TANC2: variants seen among roughly 807,000 people sequenced by gnomAD.
TANC2 encodes protein TANC2.
Under a neutral mutation model 210.5 loss-of-function variants are expected in TANC2, and 26 were observed. The ratio of observed to expected loss-of-function variants is 0.12; its 90% CI spans 0.09 to 0.17. The LOEUF is 0.17. TANC2 is among the 10% of genes least tolerant of loss of function. The pLI is 1.00. For missense variants in TANC2, 2,129 were observed against 2,608.9 expected (o/e 0.82, Z 4.01); for synonymous variants, 931 against 967.1 (o/e 0.96, Z 0.69).
In TANC2 at chr17:63,200,908, T is replaced by TGTTACTA; in HGVS notation, c.723_729dup (p.Pro244TyrfsTer2). The stretch of plus-strand genomic sequence containing the variant: ...CTGCCAAGGACTGCAGCTATGGGGC[T>TGTTACTA]GTTACTAGTCCAACCTCTACCCTTG... On this transcript the variant is annotated frameshift_variant, in exon 7 of 28. Transcript: ENST00000689528. LOFTEE classifies it high-confidence loss of function. 6.2e-7 allele frequency: 1 copy of TGTTACTA among 1,613,834 alleles called. No individual in the cohort carries two copies. The highest frequency in any genetic ancestry group is 8.5e-7 in the Non-Finnish European group (1 of 1,179,802).
At chr17:63,340,054 C>A in intron 11 of TANC2, 47 bp from the exon 12 acceptor site, 1 of 1,369,994 alleles carries the variant, frequency 7.3e-7, no homozygotes, top group Non-Finnish European at 1.0e-6. Context: ...ATAGCTATTG[C>A]TCTTACTACT....
chr17:63,387,220 G>GA (rs895340092), intron 15 of TANC2, among the ~76,000 whole-genome samples: 11 of 150,726 alleles, frequency 7.3e-5, no homozygotes, highest in East Asian at 1.9e-4. Flanking sequence ...CCCACAGGGA[G>GA]AAAAAAAAAG....
chr17:62,989,411 A>C (rs1381208278), intron 1 of TANC2, among the ~76,000 whole-genome samples: 1 of 152,216 alleles, frequency 6.6e-6, no homozygotes, highest in Admixed American at 6.5e-5. Flanking sequence ...CGTGTTTCTA[A>C]AATAAGTTTT....
At chr17:63,209,713 G>T (rs913910431) in intron 7 of TANC2, among the ~76,000 whole-genome samples, 2 of 152,098 alleles carry the variant, frequency 1.3e-5, no homozygotes, top group Non-Finnish European at 2.9e-5. Flanking sequence ...GATTACAGGC[G>T]TGAGCCACTG....
chr17:63,151,314 G>C (rs958779602), exon 5 of TANC2: 1 of 985,584 alleles, frequency 1.0e-6, no homozygotes, highest in African/African-American at 1.7e-5. Context: ...ACGAATTCCA[G>C]AATCCGAGCT....
rs1374993212 is a variant in TANC2, at chr17:63,418,763, C to T, written c.4268+356C>T. Reference sequence around the variant, plus strand: ...AATCACTTAAGCAGAGCACCCCACCCCCGCTTTAGAGGGAAAGTAGGATGG... The same window carrying T: ...AATCACTTAAGCAGAGCACCCCACCTCCGCTTTAGAGGGAAAGTAGGATGG... On this transcript the variant is annotated intron_variant, in intron 27 of 27. Transcript: ENST00000689528. The surrounding 1 kb of genome is among the most constrained non-coding windows in gnomAD (Gnocchi z 4.6). Among the ~76,000 whole-genome samples, 1 of 152,226 alleles carries T rather than the reference C, an allele frequency of 6.6e-6. No individual in the cohort carries two copies. Among genetic ancestry groups the T allele is most frequent in the South Asian group, 2.1e-4 (1 of 4,826 alleles).
chr17:63,240,919 A>G (rs933345032), intron 8 of TANC2, among the ~76,000 whole-genome samples: 2 of 152,170 alleles, frequency 1.3e-5, no homozygotes, highest in African/African-American at 4.8e-5. Flanking sequence ...GCTATTGTGT[A>G]TATGTGTTGG....
intron 7 of TANC2, among the ~76,000 whole-genome samples, chr17:63,229,146 G>A (rs1301278503): frequency 6.6e-6 from 1 of 152,176 alleles, no homozygotes; most frequent in Non-Finnish European, 1.5e-5. Context: ...AAGGGATGTT[G>A]AATTTTATGG....
intron 18 of TANC2, among the ~76,000 whole-genome samples, chr17:63,397,288 CAAACAAAA>C (rs968991887): frequency 1.3e-5 from 2 of 151,520 alleles, no homozygotes; most frequent in African/African-American, 4.9e-5. Context: ...AAAAAACAAA[CAAACAAAA>C]AGAATATGTT....
chr17:63,288,400 C>T (rs373470195), intron 9 of TANC2, among the ~76,000 whole-genome samples: 1 of 152,162 alleles, frequency 6.6e-6, no homozygotes, highest in East Asian at 1.9e-4. Flanking sequence ...TATATGCTTT[C>T]TATTTTAAAT....
At chr17:63,194,234 A>G in intron 6 of TANC2, 95 bp downstream of exon 6, 1 of 1,214,674 alleles carries the variant, frequency 8.2e-7, no homozygotes, top group Non-Finnish European at 1.1e-6. Flanking sequence ...TGAGGCCTAG[A>G]ATACAACTTA....
chr17:63,014,557 C>T (rs2034019499), intron 2 of TANC2, among the ~76,000 whole-genome samples: 3 of 152,140 alleles, frequency 2.0e-5, no homozygotes, highest in Admixed American at 6.5e-5. Context: ...AGTCACTTCT[C>T]TGAACTAATT....
chr17:63,400,760 C>T lies in TANC2; in HGVS notation c.3331+1846C>T, dbSNP rs2048318688. On this transcript the variant is annotated intron_variant, in intron 19 of 27. Transcript: ENST00000689528. Reference sequence around the variant, plus strand: ...CTGGGTTCAAGTGATTCTCCTGCCTCAGCCTCCCGAGTAGCTGGGATTACA... The same window carrying T: ...CTGGGTTCAAGTGATTCTCCTGCCTTAGCCTCCCGAGTAGCTGGGATTACA... 5.3e-5 allele frequency among the ~76,000 whole-genome samples: 8 copies of T among 151,880 alleles called. No homozygotes were observed. The South Asian group carries it at 1.7e-3, about 32-fold the overall frequency.
intron 5 of TANC2, among the ~76,000 whole-genome samples, chr17:63,172,176 T>C (rs913333081): frequency 1.3e-5 from 2 of 151,582 alleles, no homozygotes; most frequent in Admixed American, 6.6e-5. Flanking sequence ...CATTTTTCTT[T>C]TTCTTTCTTT....
At chr17:63,410,407 T>G (rs190804372) in intron 21 of TANC2, among the ~76,000 whole-genome samples, 1 of 150,424 alleles carries the variant, frequency 6.6e-6, no homozygotes, top group Non-Finnish European at 1.5e-5. Context: ...TTAACTTTAT[T>G]AGATTAAACT....
At chr17:63,247,759 G>A (rs1364491112) in intron 8 of TANC2, among the ~76,000 whole-genome samples, 1 of 152,110 alleles carries the variant, frequency 6.6e-6, no homozygotes, top group East Asian at 1.9e-4. Flanking sequence ...TGCTACTGGA[G>A]TAGTACATAT....
At chr17:63,233,327 C>A (rs1200282968) in intron 7 of TANC2, among the ~76,000 whole-genome samples, 1 of 152,162 alleles carries the variant, frequency 6.6e-6, no homozygotes, top group Non-Finnish European at 1.5e-5. Flanking sequence ...TGCTTGGGAC[C>A]CAAACCCTGG....
intron 2 of TANC2, among the ~76,000 whole-genome samples, chr17:63,030,140 T>G (rs1188115274): frequency 6.6e-6 from 1 of 152,154 alleles, no homozygotes; most frequent in Admixed American, 6.6e-5. Flanking sequence ...GACCCCATAT[T>G]TATTAAACTT....
At chr17:63,365,295 C>G (rs1412052781) in intron 14 of TANC2, among the ~76,000 whole-genome samples, 1 of 152,214 alleles carries the variant, frequency 6.6e-6, no homozygotes, top group Non-Finnish European at 1.5e-5. Context: ...GAAGCCACAG[C>G]TGTGAGACAT....
Sources: allele counts gnomAD v4.1 joint callset (sites outside exome capture counted in the v4.1 genomes callset), GRCh38; gene constraint gnomAD v4.1.1; non-coding constraint Gnocchi (gnomAD v3.1); transcripts MANE v1.5; gene names NCBI Gene and HGNC (gene_info 2026-07-23, HGNC 2026-07-21).